ENOX1: variants seen among roughly 807,000 people sequenced by gnomAD.
ENOX1 encodes ecto-NOX disulfide-thiol exchanger 1, also known as candidate growth-related and time keeping constitutive hydroquinone (NADH) oxidase.
ENOX1 carries 42 observed loss-of-function variants against 82.5 expected under a neutral mutation model. The ratio of observed to expected loss-of-function variants is 0.51; its 90% CI spans 0.40 to 0.66. The LOEUF is 0.66. Ranked by LOEUF, ENOX1 falls within the 30% of genes least tolerant of loss-of-function variation. The probability of loss-of-function intolerance (pLI) is 0.00; values close to 1 mark genes in which losing one functional copy is unlikely to be tolerated. For missense variants in ENOX1, 608 were observed against 811.6 expected, an observed-to-expected ratio of 0.75 and a Z score of 3.05; for synonymous variants, 271 against 282.2, an observed-to-expected ratio of 0.96 and a Z score of 0.40.
intron 3 of ENOX1, among the ~76,000 whole-genome samples, chr13:43,461,363 C>A (rs1407379640): frequency 6.6e-6 from 1 of 152,198 alleles, no homozygotes; most frequent in East Asian, 1.9e-4. Flanking sequence ...CATCTACATT[C>A]ATTTATTCAC....
At chr13:43,515,312 G>C (rs2077519103) in intron 2 of ENOX1, among the ~76,000 whole-genome samples, 1 of 152,150 alleles carries the variant, frequency 6.6e-6, no homozygotes, top group South Asian at 2.1e-4. Flanking sequence ...TTCTCTGAGA[G>C]TGGGGCCAAG....
intron 1 of ENOX1, among the ~76,000 whole-genome samples, chr13:43,673,194 C>T (rs1259215164): frequency 1.4e-5 from 2 of 139,892 alleles, no homozygotes; most frequent in East Asian, 2.5e-4. Flanking sequence ...TATATATATA[C>T]ATGTTCGATT....
intron 2 of ENOX1, among the ~76,000 whole-genome samples, chr13:43,630,301 T>C (rs2083147215): frequency 6.6e-6 from 1 of 152,214 alleles, no homozygotes; most frequent in Non-Finnish European, 1.5e-5. Flanking sequence ...TTTCGCTGTT[T>C]AGTCCCTCAC....
At chr13:43,238,579 G>A (rs1428417023) in intron 14 of ENOX1, among the ~76,000 whole-genome samples, 2 of 152,082 alleles carry the variant, frequency 1.3e-5, no homozygotes, top group East Asian at 3.9e-4. Context: ...AGGCCTGGGA[G>A]GTTAAGATTG....
chr13:43,520,207 A>G (rs1412976687), intron 2 of ENOX1, among the ~76,000 whole-genome samples: 2 of 152,146 alleles, frequency 1.3e-5, no homozygotes, highest in Admixed American at 1.3e-4. Flanking sequence ...GATTCTCATT[A>G]TCATGACCCT....
intron 2 of ENOX1, among the ~76,000 whole-genome samples, chr13:43,512,733 G>T (rs551627537): frequency 6.6e-6 from 1 of 150,718 alleles, no homozygotes; most frequent in South Asian, 2.1e-4. Context: ...TTTTTGCATA[G>T]CAGTCACATC....
At chr13:43,738,503 C>T (rs2089738148) in intron 1 of ENOX1, among the ~76,000 whole-genome samples, 1 of 152,118 alleles carries the variant, frequency 6.6e-6, no homozygotes, top group Non-Finnish European at 1.5e-5. Context: ...CCACCACTCA[C>T]CCACATTTAA....
At chr13:43,422,750 T>C (rs2055049354) in intron 3 of ENOX1, among the ~76,000 whole-genome samples, 1 of 152,150 alleles carries the variant, frequency 6.6e-6, no homozygotes, top group African/African-American at 2.4e-5. Flanking sequence ...AGAAGAACAA[T>C]TTTCTTTTGG....
intron 2 of ENOX1, among the ~76,000 whole-genome samples, chr13:43,591,137 T>A (rs1194130659): frequency 2.0e-5 from 3 of 152,226 alleles, no homozygotes; most frequent in Non-Finnish European, 1.5e-5. Context: ...AGATGTATTA[T>A]TTCCCAGAAA....
At chr13:43,668,016 G>A (rs558049471) in intron 1 of ENOX1, among the ~76,000 whole-genome samples, 3 of 152,288 alleles carry the variant, frequency 2.0e-5, no homozygotes, top group Non-Finnish European at 4.4e-5. Flanking sequence ...TTTCCAAATT[G>A]AAATAAGAGT....
intron 2 of ENOX1, among the ~76,000 whole-genome samples, chr13:43,517,861 C>T (rs917954329): frequency 6.6e-6 from 1 of 152,134 alleles, no homozygotes; most frequent in Non-Finnish European, 1.5e-5. Context: ...AAGGACACAA[C>T]TAGAAGCTGC....
rs568358400 is a variant in ENOX1, at chr13:43,272,505, T to C, written c.1447-2928A>G. On this transcript the variant is annotated intron_variant, in intron 12 of 16. Transcript: ENST00000690772. Reference sequence around the variant, plus strand: ...CTAAAAGCATTGTTCGGCTTTCTAATTGTTGCCAGTTTAATAGAACACCAA... The same window carrying C: ...CTAAAAGCATTGTTCGGCTTTCTAACTGTTGCCAGTTTAATAGAACACCAA... 3.9e-5 allele frequency among the ~76,000 whole-genome samples: 6 copies of C among 152,320 alleles called. No individual in the cohort carries two copies. The East Asian group carries it at 9.6e-4, about 24-fold the overall frequency.
At chr13:43,781,923 C>A (rs1952291719) in intron 1 of ENOX1, among the ~76,000 whole-genome samples, 1 of 152,174 alleles carries the variant, frequency 6.6e-6, no homozygotes, top group South Asian at 2.1e-4. Context: ...TGGAGGGTGG[C>A]AAACAGAATG....
intron 2 of ENOX1, among the ~76,000 whole-genome samples, chr13:43,560,980 G>T (rs891349634): frequency 1.3e-5 from 2 of 152,138 alleles, no homozygotes; most frequent in Non-Finnish European, 2.9e-5. Context: ...TCATTTAAAA[G>T]ACAGTAATCA....
chr13:43,459,867 G>A (rs954077737), intron 3 of ENOX1, among the ~76,000 whole-genome samples: 8 of 152,048 alleles, frequency 5.3e-5, no homozygotes, highest in Non-Finnish European at 1.0e-4. Context: ...GGTGGCACGC[G>A]CCTGTAGTCC....
At chr13:43,754,795 C>T (rs7320444) in intron 1 of ENOX1, among the ~76,000 whole-genome samples, 151,580 of 152,176 alleles carry the variant, frequency 1, 75,495 homozygotes, top group East Asian at 1. Context: ...TAGTTTCAAA[C>T]TCCTGGTCTC....
rs368182378 is a variant in ENOX1, at chr13:43,303,880, G to A, written c.1262-5350C>T. 3.3e-5 allele frequency among the ~76,000 whole-genome samples: 5 copies of A among 152,308 alleles called. No individual in the cohort carries two copies. The South Asian group carries it at 1.0e-3, about 32-fold the overall frequency. On this transcript the variant is annotated intron_variant, in intron 11 of 16. Coordinates refer to ENST00000690772, the MANE Select transcript of ENOX1 (RefSeq NM_001347969.2). ...TCCAAGTCCCCCAGGTGGTGCTGAT[G>A]CTGCTGGTGCAGAGACCACACTTTG...
chr13:43,616,204 A>ATATATATATATATATATTTTTT (rs1457149422), intron 2 of ENOX1, among the ~76,000 whole-genome samples: 2 of 15,316 alleles, frequency 1.3e-4, no homozygotes, highest in South Asian at 5.7e-3. Context: ...ATATATATAT[A>ATATATATATATATATATTTTTT]TTTTTTTTTT....
chr13:43,445,380 C>T (rs1020515838), intron 3 of ENOX1, among the ~76,000 whole-genome samples: 1 of 152,118 alleles, frequency 6.6e-6, no homozygotes, highest in African/African-American at 2.4e-5. Context: ...GCCTTGGCCT[C>T]CCAAAGTGCT....
Sources: allele counts gnomAD v4.1 joint callset (sites outside exome capture counted in the v4.1 genomes callset), GRCh38; gene constraint gnomAD v4.1.1; transcripts MANE v1.5; gene names NCBI Gene and HGNC (gene_info 2026-07-23, HGNC 2026-07-21).